CHD2: variants seen among roughly 807,000 people sequenced by gnomAD.
The protein encoded by CHD2 is ATP-dependent chromatin remodeler CHD2.
CHD2 carries 28 observed loss-of-function variants against 243.9 expected under a neutral mutation model. The ratio of observed to expected loss-of-function variants is 0.11; its 90% CI spans 0.09 to 0.16. The LOEUF (loss-of-function observed/expected upper bound fraction) is 0.16, where lower values mean the gene tolerates loss of function less well. CHD2 is among the 10% of genes least tolerant of loss of function. The pLI is 1.00. For synonymous variants in CHD2, 775 were observed against 779.0 expected (o/e 0.99, Z 0.09); for missense variants, 1,386 against 2,209.8 (o/e 0.63, Z 7.47).
At chr15:92,994,067 T>G (rs1251588586) in intron 28 of CHD2, among the ~76,000 whole-genome samples, 4 of 152,224 alleles carry the variant, frequency 2.6e-5, no homozygotes, top group Non-Finnish European at 5.9e-5. Flanking sequence ...CTGCATTTTT[T>G]GGGGACAGCC....
intron 37 of CHD2, among the ~76,000 whole-genome samples, chr15:93,019,481 T>G (rs1226020158): frequency 6.6e-6 from 1 of 152,218 alleles, no homozygotes; most frequent in East Asian, 1.9e-4. Context: ...TACTGATACG[T>G]TAGCCAGCAG....
In CHD2 at chr15:92,924,428, C is replaced by T. The variant is rs2053018413; in HGVS notation, c.170C>T (p.Ser57Phe). Reference sequence around the variant, plus strand: ...CATGGCAGCGAGTCGAACAGCAGCTCTGAATCTTCTGAGAGTCAGTCGGAA... The same window carrying T: ...CATGGCAGCGAGTCGAACAGCAGCTTTGAATCTTCTGAGAGTCAGTCGGAA... The part of the protein sequence containing the change: ...SGHGSESNSS[S>F]ESSESQSESE... Residue 57 changes from serine to phenylalanine, a missense_variant, in exon 3 of 39, where the codon TCT (serine) becomes TTT (phenylalanine). Physicochemically the swap from Ser to Phe is radical, Grantham distance 155 (BLOSUM62 -2). Around this residue, in one of 19 missense-constraint regions of CHD2, gnomAD observed 89 missense variants for 102.4 expected, o/e 0.87. Transcript: ENST00000394196. 1 of 1,614,134 alleles carries T rather than the reference C, an allele frequency of 6.2e-7. No homozygotes were observed. The highest frequency in any genetic ancestry group is 1.6e-4 in the Middle Eastern group (1 of 6,062).
At chr15:93,003,057 G>A (rs2054276683) in intron 33 of CHD2, among the ~76,000 whole-genome samples, 1 of 152,150 alleles carries the variant, frequency 6.6e-6, no homozygotes, top group Non-Finnish European at 1.5e-5. Context: ...CTTTCCAAGT[G>A]ATTAAATGTT....
intron 33 of CHD2, 40 bp from the exon 34 acceptor site, chr15:93,004,577 G>T: frequency 6.3e-7 from 1 of 1,579,438 alleles, no homozygotes; most frequent in Non-Finnish European, 8.6e-7. Flanking sequence ...CGGTAGGATT[G>T]CACAAATGAC....
intron 38 of CHD2, among the ~76,000 whole-genome samples, chr15:93,023,483 T>C (rs2054557045): frequency 6.6e-6 from 1 of 152,240 alleles, no homozygotes; most frequent in Admixed American, 6.5e-5. Context: ...AAGATTGGTG[T>C]ACAGGTACTT....
At chr15:92,914,104 A>C (rs2052790976) in intron 2 of CHD2, among the ~76,000 whole-genome samples, 1 of 152,194 alleles carries the variant, frequency 6.6e-6, no homozygotes, top group East Asian at 1.9e-4. Flanking sequence ...TTATAACCTA[A>C]ACAATAGCTA....
chr15:92,905,782 G>A (rs1287906356), intron 2 of CHD2, among the ~76,000 whole-genome samples: 2 of 152,194 alleles, frequency 1.3e-5, no homozygotes, highest in Admixed American at 1.3e-4. Flanking sequence ...ATGCTCAAAT[G>A]TATATTGCGT....
chr15:92,933,548 A>T (rs529492311), intron 5 of CHD2, among the ~76,000 whole-genome samples: 9 of 152,234 alleles, frequency 5.9e-5, no homozygotes, highest in African/African-American at 1.7e-4. Context: ...TCTTAATGTT[A>T]TCCAAATTGC....
At chr15:93,002,404 C>G in intron 33 of CHD2, 87 bp downstream of exon 33, 1 of 1,538,720 alleles carries the variant, frequency 6.5e-7, no homozygotes, top group Non-Finnish European at 8.7e-7. Flanking sequence ...TTTGAGGGCC[C>G]TGGAATAATT....
Position 92,946,029 on chromosome 15 carries a change from A to T in CHD2, c.1199-9A>T. The T allele has an allele frequency of 6.4e-7, 1 of 1,551,502 alleles. No individual in the cohort carries two copies. ...TTGCTAATCTATAAATTTTTTTTAT[A>T]TGAAATAGCTCATAGTCGGAAGCCG... On this transcript the variant is annotated splice_polypyrimidine_tract_variant and intron_variant, in intron 11 of 38. Coordinates refer to ENST00000394196, the MANE Select transcript of CHD2 (RefSeq NM_001271.4).
intron 24 of CHD2, among the ~76,000 whole-genome samples, chr15:92,982,275 T>C (rs2053989434): frequency 6.6e-6 from 1 of 152,180 alleles, no homozygotes; most frequent in Admixed American, 6.5e-5. Flanking sequence ...TGTGGGAGTT[T>C]AATTTATGCT....
At chr15:92,976,443 A>G (rs573451042) in intron 20 of CHD2, among the ~76,000 whole-genome samples, 1 of 152,180 alleles carries the variant, frequency 6.6e-6, no homozygotes, top group South Asian at 2.1e-4. Context: ...GTGTATTTCC[A>G]TTCCTACTAG....
At chr15:92,949,853 G>C (rs1220354898) in intron 13 of CHD2, among the ~76,000 whole-genome samples, 1 of 152,198 alleles carries the variant, frequency 6.6e-6, no homozygotes, top group Non-Finnish European at 1.5e-5. Context: ...ATTGTCATGA[G>C]AGCACACCGA....
At chr15:92,929,955 T>C (rs1014533216) in intron 5 of CHD2, among the ~76,000 whole-genome samples, 1 of 152,190 alleles carries the variant, frequency 6.6e-6, no homozygotes, top group Non-Finnish European at 1.5e-5. Context: ...CCCAACAGGA[T>C]TATTAGAAAC....
At chr15:93,010,975 C>T (rs1469283917) in intron 35 of CHD2, among the ~76,000 whole-genome samples, 3 of 152,112 alleles carry the variant, frequency 2.0e-5, no homozygotes, top group Non-Finnish European at 4.4e-5. Flanking sequence ...CCACAGCATG[C>T]TTCACACCTA....
In CHD2 at chr15:93,014,710, AGAC is replaced by A. The variant is rs759580014; in HGVS notation, c.4712_4714del (p.Asp1571del). 3.7e-6 allele frequency: 6 copies of A among 1,614,024 alleles called. No individual in the cohort carries two copies. The South Asian group carries it at 6.6e-5, about 18-fold the overall frequency. On this transcript the variant is annotated inframe_deletion, in exon 37 of 39. Coordinates refer to ENST00000394196, the MANE Select transcript of CHD2 (RefSeq NM_001271.4). ...TTACTCTTTAGGAGCAAAAGAAGAAAGACGACGTGACTGGGGGTAAGAAACCAT... is the reference window on the plus strand; with the variant it reads ...TTACTCTTTAGGAGCAAAAGAAGAAAGACGTGACTGGGGGTAAGAAACCAT...
At chr15:92,978,458 TAATAA>T in intron 21 of CHD2, 75 bp downstream of exon 21, 1 of 1,456,572 alleles carries the variant, frequency 6.9e-7, no homozygotes, top group Non-Finnish European at 9.4e-7. Flanking sequence ...TTCAGGATGT[TAATAA>T]AATGCTTTTT....
At position 92,946,188 on chromosome 15, in the gene CHD2, C is replaced by T. The variant is rs779773002; in HGVS notation, c.1349C>T (p.Ser450Leu). ...GACAGCTTCCACAGTAGGAACAACT[C>T]AAAAACCATCCCAACAAGAGAATGC... ...CIDSFHSRNNSKTIPTRECKA... is the reference protein window; with the variant it reads ...CIDSFHSRNNLKTIPTRECKA... Residue 450 changes from serine (S) to leucine (L), a missense_variant, in exon 12 of 39, where the codon TCA becomes TTA. Ser to Leu is a moderately radical substitution (Grantham distance 145). This residue lies in a region of CHD2 where 200 missense variants were observed against 292.5 expected (regional missense o/e 0.68). Coordinates refer to ENST00000394196, the MANE Select transcript of CHD2 (RefSeq NM_001271.4). 2 of 1,611,622 alleles carry T rather than the reference C, an allele frequency of 1.2e-6. No individual in the cohort carries two copies. The highest frequency in any genetic ancestry group is 1.7e-6 in the Non-Finnish European group (2 of 1,178,912).
rs1255963258 is a variant in CHD2, at chr15:93,027,392, T to G, written c.*2687T>G. ...AGGGTTGACATGATACACTATGGCC[T>G]TAGAAAAGGGCCAGGTGAAACCCCA... On this transcript the variant is annotated 3_prime_UTR_variant, in exon 39 of 39. Transcript: ENST00000394196. The G allele has an allele frequency of 6.6e-6, 1 of 152,192 alleles. No homozygotes were observed. The highest frequency in any genetic ancestry group is 1.5e-5 in the Non-Finnish European group (1 of 68,028). 9.4% of individuals were successfully genotyped at this position (152,192 alleles called of 1,614,324 possible). A position where few individuals can be genotyped will look rare whatever the true frequency, so the allele number is the denominator to read the frequency against.
Sources: gnomAD v4.1 joint callset for allele counts (sites outside exome capture counted in the v4.1 genomes callset) on GRCh38, gnomAD v4.1.1 for gene constraint, gnomAD v4.1.1 regional missense constraint, MANE v1.5 for transcripts, NCBI Gene and HGNC (gene_info 2026-07-23, HGNC 2026-07-21) for gene names.